The following FBXL17 variants were observed in gnomAD, a reference collection of about 807,000 sequenced individuals.
FBXL17 encodes the protein F-box/LRR-repeat protein 17.
A neutral mutation model predicts 66.2 loss-of-function variants in FBXL17; 22 were observed. The ratio of observed to expected loss-of-function variants is 0.33; its 90% CI spans 0.24 to 0.47. The LOEUF (loss-of-function observed/expected upper bound fraction) is 0.47. Ranked by LOEUF, FBXL17 falls within the 20% of genes least tolerant of loss-of-function variation. The pLI is 1.00. For missense variants in FBXL17, 878 were observed against 948.2 expected, an observed-to-expected ratio of 0.93 and a Z score of 0.97; for synonymous variants, 474 against 400.5, an observed-to-expected ratio of 1.18 and a Z score of -2.19.
chr5:108,366,839 C>T (rs1212764957), intron 2 of FBXL17, among the ~76,000 whole-genome samples: 1 of 152,070 alleles, frequency 6.6e-6, no homozygotes, highest in African/African-American at 2.4e-5. Flanking sequence ...CACAAATCCT[C>T]GTGAGCTTGC....
intron 4 of FBXL17, among the ~76,000 whole-genome samples, chr5:108,330,183 AAT>A (rs1234511712): frequency 3.3e-5 from 5 of 152,166 alleles, no homozygotes; most frequent in Non-Finnish European, 5.9e-5. Context: ...CCTAGCTTTC[AAT>A]ATAGTTTTCT....
At chr5:107,883,955 T>C (rs1353289073) in intron 7 of FBXL17, among the ~76,000 whole-genome samples, 1 of 151,930 alleles carries the variant, frequency 6.6e-6, no homozygotes, top group Non-Finnish European at 1.5e-5. Context: ...TGTGTGAAAG[T>C]AGAGATGAGA....
At chr5:108,195,596 T>C (rs1225826998) in intron 5 of FBXL17, among the ~76,000 whole-genome samples, 1 of 152,104 alleles carries the variant, frequency 6.6e-6, no homozygotes, top group East Asian at 1.9e-4. Context: ...TGAACAGGAG[T>C]GTACTATGTT....
chr5:108,108,050 A>C (rs1749880044), intron 6 of FBXL17, among the ~76,000 whole-genome samples: 2 of 151,938 alleles, frequency 1.3e-5, no homozygotes, highest in Admixed American at 1.3e-4. Context: ...CAAACACACT[A>C]GTGTGTTTCT....
At chr5:108,154,042 G>A (rs1290226405) in intron 6 of FBXL17, among the ~76,000 whole-genome samples, 5 of 151,930 alleles carry the variant, frequency 3.3e-5, no homozygotes, top group Admixed American at 1.3e-4. Context: ...CCAACAAATA[G>A]CCCAAATGAG....
chr5:108,157,777 G>A (rs1032266881), intron 6 of FBXL17, among the ~76,000 whole-genome samples: 3 of 151,788 alleles, frequency 2.0e-5, no homozygotes, highest in Non-Finnish European at 4.4e-5. Context: ...AAACAAAAAT[G>A]TAACCCAGTT....
At chr5:108,346,173 T>C (rs79417291) in intron 4 of FBXL17, among the ~76,000 whole-genome samples, 6,584 of 152,156 alleles carry the variant, frequency 0.043, 771 homozygotes, top group East Asian at 0.39. Context: ...ACAAACTTCC[T>C]ATAGGAGGTT....
At chr5:108,341,645 A>G (rs988301375) in intron 4 of FBXL17, among the ~76,000 whole-genome samples, 34 of 152,140 alleles carry the variant, frequency 2.2e-4, no homozygotes, top group Non-Finnish European at 2.9e-5. Context: ...CTTATTACCT[A>G]GAGACTTTCA....
chr5:108,169,280 T>C (rs1389401491), intron 6 of FBXL17, among the ~76,000 whole-genome samples: 1 of 152,190 alleles, frequency 6.6e-6, no homozygotes, highest in Non-Finnish European at 1.5e-5. Flanking sequence ...AGGATGTAAA[T>C]TACTGAAAGC....
chr5:107,978,581 C>A (rs983652586), intron 7 of FBXL17, among the ~76,000 whole-genome samples: 2 of 152,160 alleles, frequency 1.3e-5, no homozygotes, highest in Non-Finnish European at 2.9e-5. Flanking sequence ...CTGACTGATT[C>A]TACCTGGACC....
intron 6 of FBXL17, among the ~76,000 whole-genome samples, chr5:108,075,005 C>T (rs1186003876): frequency 6.6e-6 from 1 of 152,214 alleles, no homozygotes; most frequent in Non-Finnish European, 1.5e-5. Context: ...TGTCCAGTCC[C>T]ATGGTGGTTC....
intron 7 of FBXL17, among the ~76,000 whole-genome samples, chr5:107,936,682 T>C (rs1310830114): frequency 6.6e-6 from 1 of 152,132 alleles, no homozygotes; most frequent in Non-Finnish European, 1.5e-5. Context: ...GTGATCTGCT[T>C]GTGGAATTTT....
At chr5:108,170,781 G>T (rs971142976) in intron 6 of FBXL17, among the ~76,000 whole-genome samples, 1 of 152,088 alleles carries the variant, frequency 6.6e-6, no homozygotes, top group Non-Finnish European at 1.5e-5. Context: ...TGATCTGCCC[G>T]CCTCGGCCTC....
At chr5:108,050,176 T>G (rs1328540814) in intron 6 of FBXL17, among the ~76,000 whole-genome samples, 2 of 152,284 alleles carry the variant, frequency 1.3e-5, no homozygotes, top group East Asian at 3.9e-4. Context: ...TTAGATAGAT[T>G]AACGAGACAG....
intron 5 of FBXL17, among the ~76,000 whole-genome samples, chr5:108,215,840 T>G (rs1168708199): frequency 6.6e-6 from 1 of 152,214 alleles, no homozygotes; most frequent in Admixed American, 6.5e-5. Flanking sequence ...AACTCCTACA[T>G]TTAGGTCTTT....
At chr5:108,007,655 G>T (rs1187972660) in intron 7 of FBXL17, among the ~76,000 whole-genome samples, 1 of 143,204 alleles carries the variant, frequency 7.0e-6, no homozygotes. Flanking sequence ...CGAGTATACG[G>T]TATGTAGGCT....
intron 4 of FBXL17, among the ~76,000 whole-genome samples, chr5:108,224,730 T>TA (rs1185944519): frequency 8.5e-5 from 13 of 152,142 alleles, no homozygotes; most frequent in Non-Finnish European, 1.8e-4. Flanking sequence ...TAGCTGGGAC[T>TA]ACAAGCATGC....
intron 6 of FBXL17, among the ~76,000 whole-genome samples, chr5:108,153,864 T>C (rs1751863018): frequency 6.6e-6 from 1 of 152,200 alleles, no homozygotes; most frequent in Non-Finnish European, 1.5e-5. Flanking sequence ...ACATCCAAAA[T>C]GCTCAAACAC....
intron 7 of FBXL17, among the ~76,000 whole-genome samples, chr5:107,931,264 T>TA (rs1161271486): frequency 1.0e-3 from 155 of 151,536 alleles, no homozygotes; most frequent in South Asian, 4.4e-3. Flanking sequence ...AGAATTTTTT[T>TA]TTTTTTTTTT....
Sources: gnomAD v4.1 joint callset for allele counts (sites outside exome capture counted in the v4.1 genomes callset) on GRCh38, gnomAD v4.1.1 for gene constraint, MANE v1.5 for transcripts, NCBI Gene and HGNC (gene_info 2026-07-23, HGNC 2026-07-21) for gene names.